The following CCDC60 variants were observed in gnomAD, a reference collection of about 807,000 sequenced individuals.
CCDC60 encodes coiled-coil domain-containing protein 60.
In CCDC60, 54 loss-of-function variants were observed where a neutral mutation model predicts 63.5. The ratio of observed to expected loss-of-function variants is 0.85; its 90% CI spans 0.68 to 1.07. The LOEUF (loss-of-function observed/expected upper bound fraction) is 1.07, where lower values mean the gene tolerates loss of function less well. Ranked by LOEUF, CCDC60 falls within the 50% of genes least tolerant of loss-of-function variation. CCDC60 has a pLI of 0.00. For synonymous variants in CCDC60, 206 were observed against 238.8 expected (o/e 0.86, Z 1.27); for missense variants, 651 against 684.3 (o/e 0.95, Z 0.54).
At chr12:119,422,181 G>A (rs1956825520) in intron 1 of CCDC60, among the ~76,000 whole-genome samples, 1 of 152,146 alleles carries the variant, frequency 6.6e-6, no homozygotes, top group Non-Finnish European at 1.5e-5. Context: ...CCGGTGCTCT[G>A]CAGAGCAATG....
intron 3 of CCDC60, among the ~76,000 whole-genome samples, chr12:119,477,258 C>T (rs1304208216): frequency 2.6e-5 from 4 of 152,250 alleles, no homozygotes; most frequent in Non-Finnish European, 5.9e-5. Context: ...CTGACATATT[C>T]TGTTAGGTCA....
chr12:119,376,602 TG>T (rs1955953426), intron 1 of CCDC60, among the ~76,000 whole-genome samples: 1 of 152,130 alleles, frequency 6.6e-6, no homozygotes, highest in Non-Finnish European at 1.5e-5. Flanking sequence ...CACTCCAGGC[TG>T]GGCAACAGAG....
intron 2 of CCDC60, among the ~76,000 whole-genome samples, chr12:119,461,861 A>G (rs1950862035): frequency 6.6e-6 from 1 of 152,176 alleles, no homozygotes; most frequent in African/African-American, 2.4e-5. Flanking sequence ...AATGTAGGGA[A>G]CACACGGAAT....
intron 2 of CCDC60, among the ~76,000 whole-genome samples, chr12:119,461,217 C>A (rs562383789): frequency 2.4e-4 from 37 of 152,288 alleles, no homozygotes; most frequent in African/African-American, 8.9e-4. Flanking sequence ...CTAGGTACTA[C>A]AGTAAACTCA....
intron 9 of CCDC60, among the ~76,000 whole-genome samples, chr12:119,521,495 A>G (rs1006936147): frequency 2.0e-5 from 3 of 152,108 alleles, no homozygotes; most frequent in African/African-American, 7.2e-5. Context: ...CTTCAGGACA[A>G]AGGAGAATTG....
At chr12:119,487,448 C>T (rs1402195961) in intron 4 of CCDC60, among the ~76,000 whole-genome samples, 1 of 152,100 alleles carries the variant, frequency 6.6e-6, no homozygotes, top group Non-Finnish European at 1.5e-5. Flanking sequence ...CAGGGGCCTG[C>T]CACCGTGCAC....
chr12:119,534,069 T>C (rs4767825), intron 13 of CCDC60, among the ~76,000 whole-genome samples: 20,043 of 152,156 alleles, frequency 0.13, 1,370 homozygotes, highest in East Asian at 0.23. Flanking sequence ...TATTTTTCCA[T>C]TTGTTTGTGT....
intron 1 of CCDC60, among the ~76,000 whole-genome samples, chr12:119,419,115 A>T (rs560319395): frequency 6.6e-4 from 101 of 152,284 alleles, no homozygotes; most frequent in Middle Eastern, 3.4e-3. Context: ...TCCCTGTTGC[A>T]TTGGCTGGAC....
Position 119,532,344 on chromosome 12 carries a change from C to A in CCDC60, c.1551+1281C>A, listed in dbSNP as rs555958529. On this transcript the variant is annotated intron_variant, in intron 13 of 13. Coordinates refer to ENST00000327554, the MANE Select transcript of CCDC60 (RefSeq NM_178499.5). ...TCTTTTATATGAGGTGAGTTCACAG[C>A]CCTGACTAATAAAATTTAGCAAGCT... Among the ~76,000 whole-genome samples the A allele has an allele frequency of 2.6e-5, 4 of 151,640 alleles. No homozygotes were observed. The South Asian group carries it at 8.3e-4, about 32-fold the overall frequency.
intron 7 of CCDC60, among the ~76,000 whole-genome samples, chr12:119,513,959 G>C (rs781045372): frequency 2.0e-5 from 3 of 152,088 alleles, no homozygotes; most frequent in Non-Finnish European, 4.4e-5. Flanking sequence ...AAAAGAAAGT[G>C]AATTGTGAAA....
intron 13 of CCDC60, among the ~76,000 whole-genome samples, chr12:119,535,030 G>A (rs918769004): frequency 6.6e-6 from 1 of 152,164 alleles, no homozygotes; most frequent in African/African-American, 2.4e-5. Flanking sequence ...GAATTTGGCT[G>A]TGAATCCGTA....
At chr12:119,430,347 G>A (rs369162336) in intron 2 of CCDC60, among the ~76,000 whole-genome samples, 4 of 152,084 alleles carry the variant, frequency 2.6e-5, no homozygotes, top group African/African-American at 7.2e-5. Flanking sequence ...AAGAGGAAGC[G>A]ACATCAGGCA....
At chr12:119,432,407 TA>T (rs1950246897) in intron 2 of CCDC60, among the ~76,000 whole-genome samples, 1 of 152,198 alleles carries the variant, frequency 6.6e-6, no homozygotes, top group Non-Finnish European at 1.5e-5. Context: ...AGGTTCCAAA[TA>T]CAGAATTTCA....
intron 1 of CCDC60, among the ~76,000 whole-genome samples, chr12:119,384,519 C>T (rs1956040517): frequency 6.6e-6 from 1 of 152,190 alleles, no homozygotes; most frequent in South Asian, 2.1e-4. Flanking sequence ...GACAGCAGAT[C>T]AAGGCTGAAA....
chr12:119,453,991 A>G (rs1216270778), intron 2 of CCDC60, among the ~76,000 whole-genome samples: 2 of 152,222 alleles, frequency 1.3e-5, no homozygotes, highest in African/African-American at 2.4e-5. Context: ...TAGGCACCAT[A>G]CTAATTGCCT....
chr12:119,424,780 T>A (rs1405237621), intron 1 of CCDC60, among the ~76,000 whole-genome samples: 1 of 152,254 alleles, frequency 6.6e-6, no homozygotes, highest in Non-Finnish European at 1.5e-5. Flanking sequence ...ATTATAAAGT[T>A]ATAATCATAA....
chr12:119,503,331 A>T (rs1006593475), intron 6 of CCDC60, among the ~76,000 whole-genome samples: 6 of 152,304 alleles, frequency 3.9e-5, no homozygotes, highest in Non-Finnish European at 8.8e-5. Context: ...CAAAGAGTAG[A>T]GGGGCCTTCT....
chr12:119,402,856 A>C (rs1027218293), intron 1 of CCDC60, among the ~76,000 whole-genome samples: 1 of 152,210 alleles, frequency 6.6e-6, no homozygotes, highest in Non-Finnish European at 1.5e-5. Context: ...AAATATTTGC[A>C]ATATGCTAAC....
chr12:119,500,226 A>G, intron 6 of CCDC60, 58 bp downstream of exon 6: 2 of 1,192,244 alleles, frequency 1.7e-6, no homozygotes, highest in East Asian at 2.5e-5. Flanking sequence ...TGTGTTGAGG[A>G]GTATTTTTGC....
Sources: allele counts gnomAD v4.1 joint callset (sites outside exome capture counted in the v4.1 genomes callset), GRCh38; gene constraint gnomAD v4.1.1; transcripts MANE v1.5; gene names NCBI Gene and HGNC (gene_info 2026-07-23, HGNC 2026-07-21).